Variants in DPYSL3 observed in about 807,000 individuals in gnomAD.
DPYSL3 encodes dihydropyrimidinase-related protein 3.
DPYSL3 carries 16 observed loss-of-function variants against 66.1 expected under a neutral mutation model. That is an observed-to-expected ratio of 0.24 (90% CI 0.16 to 0.37). DPYSL3 has a LOEUF of 0.37. DPYSL3 is among the 10% of genes least tolerant of loss of function. The pLI is 1.00. For missense variants in DPYSL3, 738 were observed against 916.2 expected (o/e 0.81, Z 2.51); for synonymous variants, 338 against 345.1 (o/e 0.98, Z 0.23).
At chr5:147,494,639 G>T (rs1753471117) in intron 1 of DPYSL3, among the ~76,000 whole-genome samples, 2 of 149,538 alleles carry the variant, frequency 1.3e-5, no homozygotes, top group South Asian at 4.2e-4. Flanking sequence ...GCCGAGGCGG[G>T]CAGATCACGA....
At chr5:147,500,008 C>T (rs985558230) in intron 1 of DPYSL3, among the ~76,000 whole-genome samples, 2 of 152,156 alleles carry the variant, frequency 1.3e-5, no homozygotes, top group Non-Finnish European at 2.9e-5. Flanking sequence ...AATCATAACA[C>T]GGATCTATGC....
At chr5:147,414,130 T>A (rs1313896052) in intron 4 of DPYSL3, among the ~76,000 whole-genome samples, 1 of 152,138 alleles carries the variant, frequency 6.6e-6, no homozygotes, top group Non-Finnish European at 1.5e-5. Flanking sequence ...CCCTACTTCA[T>A]AAAGTGGTTG....
intron 1 of DPYSL3, among the ~76,000 whole-genome samples, chr5:147,492,656 A>G (rs1753433140): frequency 1.3e-5 from 2 of 151,788 alleles, no homozygotes; most frequent in Non-Finnish European, 1.5e-5. Flanking sequence ...AACCATTTAA[A>G]AAGTTGAGAA....
intron 1 of DPYSL3, among the ~76,000 whole-genome samples, chr5:147,476,195 CTT>C (rs1365106687): frequency 6.6e-6 from 1 of 152,018 alleles, no homozygotes; most frequent in African/African-American, 2.4e-5. Flanking sequence ...AGTGAATTAA[CTT>C]ATAATTTTAA....
chr5:147,457,920 G>C (rs1021547290), intron 1 of DPYSL3, among the ~76,000 whole-genome samples: 9 of 152,130 alleles, frequency 5.9e-5, no homozygotes, highest in Non-Finnish European at 7.3e-5. Flanking sequence ...AGGACTTCAT[G>C]GAATTTGTCT....
At chr5:147,429,598 A>G (rs1354864482) in intron 1 of DPYSL3, among the ~76,000 whole-genome samples, 2 of 152,116 alleles carry the variant, frequency 1.3e-5, no homozygotes, top group African/African-American at 4.8e-5. Flanking sequence ...TGTTGGTGAG[A>G]GACTATTTCT....
intron 1 of DPYSL3, among the ~76,000 whole-genome samples, chr5:147,425,231 A>G (rs1752173670): frequency 6.6e-6 from 1 of 152,158 alleles, no homozygotes. Flanking sequence ...AAACATATCT[A>G]CTCAAGTAAG....
intron 1 of DPYSL3, among the ~76,000 whole-genome samples, chr5:147,486,193 G>A (rs35970066): frequency 0.054 from 8,268 of 152,268 alleles, 284 homozygotes; most frequent in Non-Finnish European, 0.085. Flanking sequence ...CCAAAGGCTG[G>A]AGGTTGTGGT....
chr5:147,398,003 C>T (rs1038688781), intron 11 of DPYSL3, among the ~76,000 whole-genome samples, 158 bp from the exon 12 acceptor site: 2 of 152,072 alleles, frequency 1.3e-5, no homozygotes, highest in Admixed American at 6.5e-5. Context: ...TAGAAGGCAC[C>T]GGAGACAGAT....
chr5:147,420,457 A>G (rs548450834), intron 2 of DPYSL3, among the ~76,000 whole-genome samples: 6 of 152,284 alleles, frequency 3.9e-5, no homozygotes, highest in African/African-American at 1.4e-4. Flanking sequence ...GCATATATAC[A>G]GATATCTCAG....
chr5:147,486,196 G>C (rs1753326950), intron 1 of DPYSL3, among the ~76,000 whole-genome samples: 1 of 152,182 alleles, frequency 6.6e-6, no homozygotes, highest in Admixed American at 6.5e-5. Flanking sequence ...AAGGCTGGAG[G>C]TTGTGGTGTG....
At chr5:147,486,462 T>G (rs970176054) in intron 1 of DPYSL3, among the ~76,000 whole-genome samples, 1 of 152,234 alleles carries the variant, frequency 6.6e-6, no homozygotes, top group Admixed American at 6.5e-5. Context: ...TTGAAATTGC[T>G]TCTAGCTCAG....
Position 147,509,392 on chromosome 5 carries a change from C to A in DPYSL3, c.381+86G>T. On this transcript the variant is annotated intron_variant, in intron 1 of 13. Transcript: ENST00000343218. This position sits in a 1 kb window ranked among gnomAD's most constrained non-coding sequence, Gnocchi z 5.3. The stretch of plus-strand genomic sequence containing the variant: ...GTCCCCCAGCCCCGTGCAAAGTGAG[C>A]TGGAGAAAGTTGTGCCCGGGCCATG... The A allele has an allele frequency of 1.4e-6, 2 of 1,429,412 alleles. No individual in the cohort carries two copies. The highest frequency in any genetic ancestry group is 5.0e-5 in the East Asian group (2 of 39,880). 88.5% of individuals were successfully genotyped at this position (1,429,412 alleles called of 1,614,324 possible).
At chr5:147,429,682 T>C (rs891726011) in intron 1 of DPYSL3, among the ~76,000 whole-genome samples, 14 of 152,236 alleles carry the variant, frequency 9.2e-5, no homozygotes, top group Middle Eastern at 3.4e-3. Flanking sequence ...TAGTTCCAAT[T>C]TGAAGTAAAC....
At chr5:147,405,514 C>G in intron 8 of DPYSL3, 96 bp downstream of exon 8, 2 of 1,455,554 alleles carry the variant, frequency 1.4e-6, no homozygotes, top group African/African-American at 1.4e-5. Context: ...AGGCAATGAG[C>G]AAAGTAGGCA....
intron 1 of DPYSL3, among the ~76,000 whole-genome samples, chr5:147,503,094 C>T (rs930505615): frequency 1.3e-5 from 2 of 152,144 alleles, no homozygotes; most frequent in South Asian, 4.1e-4. Context: ...GCATCTATCA[C>T]TGAAGTACTC....
intron 2 of DPYSL3, among the ~76,000 whole-genome samples, chr5:147,420,158 A>T (rs1288539241): frequency 1.3e-5 from 2 of 152,118 alleles, no homozygotes; most frequent in East Asian, 3.9e-4. Context: ...GGCTATCTGG[A>T]TTCACAATCC....
At chr5:147,461,574 C>A (rs1042315758) in intron 1 of DPYSL3, among the ~76,000 whole-genome samples, 2 of 152,098 alleles carry the variant, frequency 1.3e-5, no homozygotes, top group African/African-American at 4.8e-5. Flanking sequence ...CAGGTATCAC[C>A]CCAGACAACG....
intron 1 of DPYSL3, among the ~76,000 whole-genome samples, chr5:147,486,180 A>T (rs1753326759): frequency 6.6e-6 from 1 of 152,232 alleles, no homozygotes; most frequent in African/African-American, 2.4e-5. Context: ...AGATTAGTGA[A>T]TGCCAAAGGC....
Sources: gnomAD v4.1 joint callset for allele counts (sites outside exome capture counted in the v4.1 genomes callset) on GRCh38, gnomAD v4.1.1 for gene constraint, Gnocchi (gnomAD v3.1) non-coding constraint, MANE v1.5 for transcripts, NCBI Gene and HGNC (gene_info 2026-07-23, HGNC 2026-07-21) for gene names.